LYRM4: variants seen among roughly 807,000 people sequenced by gnomAD.
LYRM4 encodes LYR motif containing 4.
A neutral mutation model predicts 11.7 loss-of-function variants in LYRM4; 9 were observed. The ratio of observed to expected loss-of-function variants is 0.77; its 90% CI spans 0.46 to 1.34. The LOEUF is 1.34. Ranked by LOEUF, LYRM4 falls within the 40% of genes most tolerant of loss-of-function variation. LYRM4 has a pLI of 0.00. For missense variants in LYRM4, 133 were observed against 112.5 expected (o/e 1.18, Z -0.82); for synonymous variants, 42 against 40.4 (o/e 1.04, Z -0.15).
rs542524030 is a variant in LYRM4, at chr6:5,260,561, G to C, written c.86+87C>G. On this transcript the variant is annotated intron_variant, in intron 1 of 2. Coordinates refer to ENST00000330636, the MANE Select transcript of LYRM4 (RefSeq NM_020408.6). ...CGCCGGCAAACCACGGTGGCTCCCAGTCCCCGGGGATATTCCGCGTCAGCC... is the reference window on the plus strand; with the variant it reads ...CGCCGGCAAACCACGGTGGCTCCCACTCCCCGGGGATATTCCGCGTCAGCC... 7.1e-5 allele frequency: 106 copies of C among 1,503,400 alleles called. 1 individual carries two copies. The South Asian group carries it at 1.1e-3, about 16-fold the overall frequency. The allele number at this position is 1,503,400 out of a possible 1,614,324, so 93.1% of individuals were successfully genotyped here.
In LYRM4 at chr6:5,154,949, T is replaced by C. The variant is rs141595366; in HGVS notation, c.208-45458A>G. Among the ~76,000 whole-genome samples, 75 of 152,356 alleles carry C rather than the reference T, an allele frequency of 4.9e-4. No homozygotes were observed. In the East Asian group the frequency reaches 0.012, roughly 24 times the overall value. ...TCTCCTCACCCCAGGCCTGGGACTT[T>C]TAATAAACAATGCCGTTCTAACAGG... On this transcript the variant is annotated intron_variant, in intron 2 of 2. Transcript: ENST00000330636.
At chr6:5,180,239 C>T (rs781327361) in intron 2 of LYRM4, among the ~76,000 whole-genome samples, 5 of 152,156 alleles carry the variant, frequency 3.3e-5, no homozygotes, top group Non-Finnish European at 7.3e-5. Context: ...AGACAGCAGC[C>T]GTTCCCCGGG....
At chr6:5,200,891 G>A (rs563125860) in intron 2 of LYRM4, among the ~76,000 whole-genome samples, 3 of 152,290 alleles carry the variant, frequency 2.0e-5, no homozygotes, top group South Asian at 2.1e-4. Context: ...TAAAAGTCCC[G>A]TCTTTGAAGA....
At chr6:5,051,760 T>G in the LYRM4 span, among the ~76,000 whole-genome samples, 1 of 152,234 alleles carries the variant, frequency 6.6e-6, no homozygotes, top group African/African-American at 2.4e-5. Context: ...TGGCTTAGGA[T>G]TCTCATGTCT....
chr6:5,215,881 A>C (rs1039331658), intron 2 of LYRM4, among the ~76,000 whole-genome samples: 2 of 152,236 alleles, frequency 1.3e-5, no homozygotes, highest in Non-Finnish European at 2.9e-5. Flanking sequence ...CTGCTAAGTC[A>C]AAGAAAAACA....
intron 1 of LYRM4, among the ~76,000 whole-genome samples, chr6:5,239,249 G>C (rs2127753553): frequency 6.6e-6 from 1 of 152,320 alleles, no homozygotes; most frequent in Non-Finnish European, 1.5e-5. Flanking sequence ...GGTAAAGTAA[G>C]GGGAGAAAGT....
chr6:5,176,577 T>C (rs764674704), intron 2 of LYRM4, among the ~76,000 whole-genome samples: 6 of 152,002 alleles, frequency 3.9e-5, no homozygotes, highest in Non-Finnish European at 7.4e-5. Context: ...GGGAAGGAGG[T>C]TTCCTGGGCA....
chr6:5,181,625 A>G (rs910661287), intron 2 of LYRM4, among the ~76,000 whole-genome samples: 1 of 152,086 alleles, frequency 6.6e-6, no homozygotes, highest in Non-Finnish European at 1.5e-5. Context: ...CCCTGGCTCC[A>G]GGTCCCCTGT....
At chr6:5,150,764 T>C (rs1402340799) in intron 2 of LYRM4, among the ~76,000 whole-genome samples, 4 of 152,226 alleles carry the variant, frequency 2.6e-5, no homozygotes, top group Non-Finnish European at 5.9e-5. Context: ...TCTTGAGTTG[T>C]AGAACTACAG....
chr6:5,119,108 T>C (rs562110661), intron 2 of LYRM4, among the ~76,000 whole-genome samples: 1 of 152,304 alleles, frequency 6.6e-6, no homozygotes, highest in South Asian at 2.1e-4. Flanking sequence ...ATCTCCATCC[T>C]TCCTGTAAGC....
At chr6:5,211,820 A>G (rs1207641647) in intron 2 of LYRM4, among the ~76,000 whole-genome samples, 1 of 152,184 alleles carries the variant, frequency 6.6e-6, no homozygotes, top group Non-Finnish European at 1.5e-5. Flanking sequence ...CCAAATACTT[A>G]GATTTTGCTG....
At chr6:5,176,301 G>T in intron 2 of LYRM4, among the ~76,000 whole-genome samples, 1 of 152,024 alleles carries the variant, frequency 6.6e-6, no homozygotes, top group East Asian at 1.9e-4. Context: ...CTGACCTCAT[G>T]ATCCACCCGC....
chr6:5,043,331 A>G, the LYRM4 span: 2 of 152,200 alleles, frequency 1.3e-5, no homozygotes, highest in East Asian at 1.9e-4. Context: ...TTTCAAATCT[A>G]TTTCGTCTGC....
At chr6:5,059,192 T>C in the LYRM4 span, among the ~76,000 whole-genome samples, 1 of 151,752 alleles carries the variant, frequency 6.6e-6, no homozygotes, top group East Asian at 1.9e-4. Context: ...AATTAAAAAA[T>C]TAACCAGGTG....
intron 2 of LYRM4, among the ~76,000 whole-genome samples, chr6:5,180,947 C>T (rs962802274): frequency 6.6e-6 from 1 of 152,198 alleles, no homozygotes; most frequent in Non-Finnish European, 1.5e-5. Context: ...ACCCTCCCTA[C>T]ATCCACTACA....
At chr6:5,244,951 C>G (rs79307948) in intron 1 of LYRM4, among the ~76,000 whole-genome samples, 3,424 of 150,844 alleles carry the variant, frequency 0.023, 119 homozygotes, top group African/African-American at 0.078. Flanking sequence ...TGCTGAGGCT[C>G]ATCCCCTGCT....
At chr6:5,245,458 C>T (rs1764154514) in intron 1 of LYRM4, among the ~76,000 whole-genome samples, 1 of 151,978 alleles carries the variant, frequency 6.6e-6, no homozygotes, top group South Asian at 2.1e-4. Flanking sequence ...AGTTCTTACA[C>T]CCATGGAGGA....
intron 1 of LYRM4, among the ~76,000 whole-genome samples, chr6:5,220,323 A>G (rs1327057620): frequency 2.0e-5 from 3 of 152,118 alleles, no homozygotes; most frequent in South Asian, 4.1e-4. Flanking sequence ...TTAGCATCCA[A>G]TGTGTGATGT....
rs576360138 is a variant in LYRM4, at chr6:5,203,017, C to T, written c.207+13601G>A. 3.3e-5 allele frequency among the ~76,000 whole-genome samples: 5 copies of T among 152,296 alleles called. No individual in the cohort carries two copies. In the East Asian group the frequency reaches 9.7e-4, roughly 29 times the overall value. On this transcript the variant is annotated intron_variant, in intron 2 of 2. Transcript: ENST00000330636. ...ATACAACACTAATAAACCAAAAAGTCACATAAGCAACTCTGAGTACTTGTC... is the reference window on the plus strand; with the variant it reads ...ATACAACACTAATAAACCAAAAAGTTACATAAGCAACTCTGAGTACTTGTC...
Sources: allele counts gnomAD v4.1 joint callset (sites outside exome capture counted in the v4.1 genomes callset), GRCh38; gene constraint gnomAD v4.1.1; transcripts MANE v1.5; gene names NCBI Gene and HGNC (gene_info 2026-07-23, HGNC 2026-07-21).